The following PHACTR1 variants were observed in gnomAD, a reference collection of about 807,000 sequenced individuals.
PHACTR1 encodes the protein phosphatase and actin regulator 1, also known as RPEL repeat containing 1.
A neutral mutation model predicts 69.2 loss-of-function variants in PHACTR1; 16 were observed. That is an observed-to-expected ratio of 0.23 (90% CI 0.16 to 0.35). The LOEUF (loss-of-function observed/expected upper bound fraction) is 0.35. PHACTR1 is among the 10% of genes least tolerant of loss of function. The pLI is 1.00. For synonymous variants in PHACTR1, 312 were observed against 284.5 expected, an observed-to-expected ratio of 1.10 and a Z score of -0.97; for missense variants, 510 against 734.7, an observed-to-expected ratio of 0.69 and a Z score of 3.54.
intron 5 of PHACTR1, among the ~76,000 whole-genome samples, chr6:13,138,400 G>A (rs1415008060): frequency 6.6e-6 from 1 of 152,150 alleles, no homozygotes; most frequent in Non-Finnish European, 1.5e-5. Context: ...GAATTTAGGG[G>A]TCTATTTTCA....
chr6:13,079,288 A>G lies in PHACTR1; in HGVS notation c.415+25759A>G, dbSNP rs73368168. Among the ~76,000 whole-genome samples the G allele has an allele frequency of 1.0e-2, 1,517 of 152,262 alleles. 17 individuals are homozygous for G. The highest frequency in any genetic ancestry group is 0.034 in the African/African-American group (1,399 of 41,564). On this transcript the variant is annotated intron_variant, in intron 5 of 14. Coordinates refer to ENST00000332995, the MANE Select transcript of PHACTR1 (RefSeq NM_030948.6). The stretch of plus-strand genomic sequence containing the variant: ...ATGGACAGATACCCATGAGTGAATC[A>G]CAAGGAGCTCTGCCCTGGGTGTTTA...
intron 4 of PHACTR1, among the ~76,000 whole-genome samples, chr6:12,859,142 A>G (rs1356037458): frequency 6.6e-6 from 1 of 152,230 alleles, no homozygotes; most frequent in Non-Finnish European, 1.5e-5. Context: ...TAGGAGCTGC[A>G]AAGACCTTTA....
intron 4 of PHACTR1, among the ~76,000 whole-genome samples, chr6:12,904,533 T>C (rs1160632269): frequency 3.0e-5 from 4 of 134,582 alleles, no homozygotes; most frequent in Non-Finnish European, 4.7e-5. Flanking sequence ...AAACTCCATC[T>C]CAAAAAAAAA....
intron 5 of PHACTR1, among the ~76,000 whole-genome samples, chr6:13,119,812 G>A (rs1332641725): frequency 6.6e-6 from 1 of 152,194 alleles, no homozygotes; most frequent in African/African-American, 2.4e-5. Context: ...AGAAGCCGAC[G>A]GGTGTTCTTT....
intron 4 of PHACTR1, among the ~76,000 whole-genome samples, chr6:12,817,798 T>C (rs1283463887): frequency 1.3e-5 from 2 of 152,124 alleles, no homozygotes; most frequent in African/African-American, 4.8e-5. Context: ...TCACTACCAA[T>C]TAAAGGTAAG....
intron 4 of PHACTR1, among the ~76,000 whole-genome samples, chr6:12,992,323 C>T (rs769049537): frequency 2.1e-4 from 32 of 152,312 alleles, no homozygotes; most frequent in South Asian, 4.1e-4. Flanking sequence ...TTTCACTGCA[C>T]GGCATAACCA....
At chr6:12,942,470 C>G (rs1790157193) in intron 4 of PHACTR1, among the ~76,000 whole-genome samples, 1 of 152,082 alleles carries the variant, frequency 6.6e-6, no homozygotes, top group African/African-American at 2.4e-5. Flanking sequence ...CGTGATGAAA[C>G]TAAGTCTTAG....
intron 4 of PHACTR1, among the ~76,000 whole-genome samples, chr6:13,000,594 A>C (rs576516425): frequency 1.6e-5 from 2 of 126,560 alleles, no homozygotes; most frequent in Non-Finnish European, 3.2e-5. Context: ...GAGAAAGAGA[A>C]GAGAGGGAAG....
chr6:12,737,398 T>TACGC (rs1554130629), intron 3 of PHACTR1, among the ~76,000 whole-genome samples: 2 of 149,482 alleles, frequency 1.3e-5, no homozygotes, highest in East Asian at 3.9e-4. Context: ...TATTGTTTTA[T>TACGC]ACACACACAC....
intron 4 of PHACTR1, among the ~76,000 whole-genome samples, chr6:12,901,644 G>A (rs770977042): frequency 1.3e-5 from 2 of 152,146 alleles, no homozygotes; most frequent in East Asian, 1.9e-4. Flanking sequence ...ACCGGCGCCC[G>A]CCACCATGCC....
intron 5 of PHACTR1, among the ~76,000 whole-genome samples, chr6:13,105,912 GTTGT>G (rs1468590454): frequency 6.6e-6 from 1 of 152,164 alleles, no homozygotes; most frequent in East Asian, 1.9e-4. Context: ...CTGATATAAA[GTTGT>G]TTATCAGGAA....
At chr6:12,925,465 C>T (rs536213233) in intron 4 of PHACTR1, among the ~76,000 whole-genome samples, 2 of 152,170 alleles carry the variant, frequency 1.3e-5, no homozygotes, top group South Asian at 4.1e-4. Context: ...TTCTAAGGTA[C>T]GAAACTGTTC....
intron 4 of PHACTR1, among the ~76,000 whole-genome samples, chr6:13,030,077 A>G (rs1031794513): frequency 5.9e-5 from 9 of 152,264 alleles, no homozygotes; most frequent in East Asian, 1.9e-4. Context: ...TGACCCTAGC[A>G]TATAGTAAGT....
intron 7 of PHACTR1, among the ~76,000 whole-genome samples, chr6:13,197,203 C>T (rs1191083117): frequency 2.0e-5 from 3 of 152,124 alleles, no homozygotes; most frequent in Non-Finnish European, 2.9e-5. Flanking sequence ...AAGGACTGTA[C>T]GGGGGCTACT....
At chr6:12,991,942 CTTT>C (rs758565773) in intron 4 of PHACTR1, among the ~76,000 whole-genome samples, 2 of 144,514 alleles carry the variant, frequency 1.4e-5, no homozygotes, top group Admixed American at 7.0e-5. Context: ...GTTTCTGTGT[CTTT>C]TTTTTTTTTT....
intron 4 of PHACTR1, among the ~76,000 whole-genome samples, chr6:12,855,150 G>A (rs751928809): frequency 6.6e-6 from 1 of 152,168 alleles, no homozygotes; most frequent in Non-Finnish European, 1.5e-5. Context: ...GCCTATCAAT[G>A]GTGGACTGGA....
Position 13,287,168 on chromosome 6 carries a change from G to C in PHACTR1, c.*90G>C, listed in dbSNP as rs693758. The C allele has an allele frequency of 8.0e-7, 1 of 1,245,740 alleles. No individual in the cohort carries two copies. Among genetic ancestry groups the C allele is most frequent in the Non-Finnish European group, 1.1e-6 (1 of 888,208 alleles). 77.2% of individuals were successfully genotyped at this position (1,245,740 alleles called of 1,614,324 possible). A position where few individuals can be genotyped will look rare whatever the true frequency, so the allele number is the denominator to read the frequency against. On this transcript the variant is annotated 3_prime_UTR_variant, in exon 15 of 15. Coordinates refer to ENST00000332995, the MANE Select transcript of PHACTR1 (RefSeq NM_030948.6). The stretch of plus-strand genomic sequence containing the variant: ...TGGTATTTATTCACTTCCCCATTAC[G>C]ATGTAAATCTTCTGAACTGCCTTTT...
rs544389706 is a variant in PHACTR1 at position 13,218,230 on chromosome 6, C to A, written c.987-9586C>A. On this transcript the variant is annotated intron_variant, in intron 8 of 14. Transcript: ENST00000332995. ...GAGACAGTGATTTTCAATTTTATGA[C>A]CTGCCCTTGATTCCCTACAAGAGTT... Among the ~76,000 whole-genome samples the A allele has an allele frequency of 1.8e-4, 27 of 152,252 alleles. No individual in the cohort carries two copies. In the South Asian group the frequency reaches 5.6e-3, roughly 32 times the overall value.
At chr6:13,043,440 G>A (rs997656114) in intron 4 of PHACTR1, among the ~76,000 whole-genome samples, 8 of 151,962 alleles carry the variant, frequency 5.3e-5, no homozygotes, top group Admixed American at 2.0e-4. Flanking sequence ...AAAAAAAGGC[G>A]GGTGGGGGGT....
Sources: allele counts gnomAD v4.1 joint callset (sites outside exome capture counted in the v4.1 genomes callset), GRCh38; gene constraint gnomAD v4.1.1; transcripts MANE v1.5; gene names NCBI Gene and HGNC (gene_info 2026-07-23, HGNC 2026-07-21).